Variants in SLC30A7 observed in about 807,000 individuals in gnomAD.
SLC30A7 encodes solute carrier family 30 member 7, also known as zinc transporter 7.
In SLC30A7, 35 loss-of-function variants were observed where a neutral mutation model predicts 46.0. The ratio of observed to expected loss-of-function variants is 0.76; its 90% CI spans 0.58 to 1.01. The LOEUF (loss-of-function observed/expected upper bound fraction) is 1.01. Ranked by LOEUF, SLC30A7 falls within the 50% of genes least tolerant of loss-of-function variation. The probability of loss-of-function intolerance (pLI) is 0.00; values close to 1 mark genes in which losing one functional copy is unlikely to be tolerated. For synonymous variants in SLC30A7, 147 were observed against 157.8 expected (o/e 0.93, Z 0.51); for missense variants, 464 against 451.1 (o/e 1.03, Z -0.26).
chr1:100,901,003 T>C (rs1651271850), intron 2 of SLC30A7, among the ~76,000 whole-genome samples: 1 of 152,206 alleles, frequency 6.6e-6, no homozygotes, highest in South Asian at 2.1e-4. Context: ...GTCTATCTTA[T>C]TTCATCTGTT....
the SLC30A7 span, among the ~76,000 whole-genome samples, chr1:100,987,214 CTTTA>C: frequency 2.2e-4 from 33 of 152,028 alleles, no homozygotes; most frequent in Non-Finnish European, 8.8e-5. Flanking sequence ...TTATGATTTT[CTTTA>C]TTTATTCCAC....
At chr1:100,931,004 C>G (rs11583674) in intron 8 of SLC30A7, among the ~76,000 whole-genome samples, 42,446 of 151,836 alleles carry the variant, frequency 0.28, 6,076 homozygotes, top group Middle Eastern at 0.36. Context: ...ATCCTTGGGG[C>G]AATTGAGAAA....
intron 2 of SLC30A7, among the ~76,000 whole-genome samples, chr1:100,901,966 T>C (rs59769289): frequency 2.5e-3 from 1 of 408 alleles, no homozygotes; most frequent in African/African-American, 0.022. Flanking sequence ...AATTTATAGT[T>C]TAAATTTATA....
intron 8 of SLC30A7, among the ~76,000 whole-genome samples, chr1:100,950,765 C>G (rs1297968983): frequency 1.3e-5 from 2 of 152,194 alleles, no homozygotes; most frequent in Admixed American, 6.5e-5. Context: ...GTTAAAAGCA[C>G]TCACTATGTT....
At chr1:100,897,161 TTC>T (rs1466273930) in intron 2 of SLC30A7, among the ~76,000 whole-genome samples, 1 of 152,180 alleles carries the variant, frequency 6.6e-6, no homozygotes, top group Non-Finnish European at 1.5e-5. Flanking sequence ...TGTCATTCTC[TTC>T]TCTCTTTAAT....
At chr1:100,973,685 C>A (rs1302572789) in intron 10 of SLC30A7, among the ~76,000 whole-genome samples, 1 of 151,978 alleles carries the variant, frequency 6.6e-6, no homozygotes, top group Middle Eastern at 3.2e-3. Flanking sequence ...TTTTCTTTAG[C>A]CTTTGGCGAT....
intron 2 of SLC30A7, among the ~76,000 whole-genome samples, chr1:100,900,954 A>G (rs765813318): frequency 9.2e-5 from 14 of 152,304 alleles, no homozygotes; most frequent in Non-Finnish European, 1.3e-4. Context: ...AATGGACCTC[A>G]TGTACCCATC....
intron 8 of SLC30A7, among the ~76,000 whole-genome samples, chr1:100,931,899 A>T (rs188825008): frequency 1.3e-5 from 2 of 152,200 alleles, no homozygotes; most frequent in Non-Finnish European, 1.5e-5. Context: ...AAAAAGTCAA[A>T]TAAGAAGAGC....
chr1:100,896,525 A>G, intron 1 of SLC30A7, 45 bp from the exon 2 acceptor site: 1 of 1,569,258 alleles, frequency 6.4e-7, no homozygotes, highest in Non-Finnish European at 8.8e-7. Flanking sequence ...GGGTCCCGGC[A>G]CCTCCTTAAC....
intron 3 of SLC30A7, among the ~76,000 whole-genome samples, chr1:100,910,333 A>G (rs576012896): frequency 1.1e-4 from 16 of 152,278 alleles, no homozygotes; most frequent in African/African-American, 3.6e-4. Context: ...AATATACGAT[A>G]CAGAAAAATA....
At chr1:100,943,219 C>T (rs561203526) in intron 8 of SLC30A7, among the ~76,000 whole-genome samples, 40 of 152,202 alleles carry the variant, frequency 2.6e-4, no homozygotes, top group South Asian at 6.2e-4. Context: ...TCTGACTGAC[C>T]GGCTATAAAC....
chr1:100,918,699 A>G (rs1307062735), intron 7 of SLC30A7, among the ~76,000 whole-genome samples: 2 of 152,170 alleles, frequency 1.3e-5, no homozygotes. Flanking sequence ...CAGTTGGGCA[A>G]AATCATCTAA....
At chr1:100,969,421 C>G (rs1656033009) in intron 10 of SLC30A7, among the ~76,000 whole-genome samples, 1 of 152,160 alleles carries the variant, frequency 6.6e-6, no homozygotes. Context: ...ACTCCATATT[C>G]TCCTAAGACT....
At chr1:100,922,637 A>C (rs150941774) in intron 8 of SLC30A7, among the ~76,000 whole-genome samples, 3 of 152,352 alleles carry the variant, frequency 2.0e-5, no homozygotes, top group African/African-American at 7.2e-5. Context: ...TTGAGGAAGC[A>C]TCTGCCTCGT....
At chr1:100,943,100 T>C (rs1313665675) in intron 8 of SLC30A7, among the ~76,000 whole-genome samples, 1 of 152,196 alleles carries the variant, frequency 6.6e-6, no homozygotes, top group African/African-American at 2.4e-5. Flanking sequence ...CTGAGTATCC[T>C]CTAATTCAGT....
chr1:100,927,477 T>C (rs189987108), intron 8 of SLC30A7, among the ~76,000 whole-genome samples: 2 of 151,698 alleles, frequency 1.3e-5, no homozygotes, highest in Admixed American at 1.3e-4. Flanking sequence ...CGAGAGAGAA[T>C]GGGAGGGGAG....
At position 100,915,577 on chromosome 1, in the gene SLC30A7, C is replaced by T. The variant is rs186157535; in HGVS notation, c.655+1771C>T. On this transcript the variant is annotated intron_variant, in intron 6 of 10. Transcript: ENST00000357650. The stretch of plus-strand genomic sequence containing the variant: ...TTATTTCACTTAGCATAATGTCCTT[C>T]AGGATCATTCATGTGTCAAAATTAG... Among the ~76,000 whole-genome samples the T allele has an allele frequency of 5.3e-5, 8 of 152,278 alleles. 1 individual carries two copies. In the East Asian group the frequency reaches 1.4e-3, roughly 26 times the overall value.
At chr1:100,966,366 G>A (rs1442833597) in intron 10 of SLC30A7, among the ~76,000 whole-genome samples, 4 of 151,926 alleles carry the variant, frequency 2.6e-5, no homozygotes, top group African/African-American at 9.7e-5. Context: ...GGTGGATCAC[G>A]AGGTCAGGAG....
intron 8 of SLC30A7, among the ~76,000 whole-genome samples, chr1:100,935,802 G>A (rs776579908): frequency 2.0e-5 from 3 of 152,170 alleles, no homozygotes; most frequent in African/African-American, 7.2e-5. Context: ...TCTCTCAGGA[G>A]TGACATATTC....
Sources: allele counts gnomAD v4.1 joint callset (sites outside exome capture counted in the v4.1 genomes callset), GRCh38; gene constraint gnomAD v4.1.1; transcripts MANE v1.5; gene names NCBI Gene and HGNC (gene_info 2026-07-23, HGNC 2026-07-21).